The following ANXA11 variants were observed in gnomAD, a reference collection of about 807,000 sequenced individuals.
The protein encoded by ANXA11 is annexin A11.
A neutral mutation model predicts 64.7 loss-of-function variants in ANXA11; 57 were observed. The observed-to-expected ratio is 0.88, with a 90% CI of 0.71 to 1.10. The LOEUF is 1.10. ANXA11 is among the 50% of genes least tolerant of loss of function. The probability of loss-of-function intolerance (pLI) is 0.00; values close to 1 mark genes in which losing one functional copy is unlikely to be tolerated. For missense variants in ANXA11, 675 were observed against 670.7 expected, an observed-to-expected ratio of 1.01 and a Z score of -0.07; for synonymous variants, 260 against 265.2, an observed-to-expected ratio of 0.98 and a Z score of 0.19.
intron 1 of ANXA11, among the ~76,000 whole-genome samples, chr10:80,202,047 C>T (rs1840448470): frequency 6.6e-6 from 1 of 152,234 alleles, no homozygotes; most frequent in African/African-American, 2.4e-5. Flanking sequence ...GCACACTCCA[C>T]CCTCTGCTTC....
At chr10:80,187,544 T>TGC (rs1229515055) in intron 1 of ANXA11, among the ~76,000 whole-genome samples, 3 of 142,734 alleles carry the variant, frequency 2.1e-5, no homozygotes, top group East Asian at 2.0e-4. Context: ...TGTGCGCGCG[T>TGC]GCACACACAC....
intron 1 of ANXA11, among the ~76,000 whole-genome samples, chr10:80,186,476 A>G (rs1846544143): frequency 6.6e-6 from 1 of 152,112 alleles, no homozygotes; most frequent in South Asian, 2.1e-4. Context: ...GCCTGGGTGT[A>G]TGGGGGCCTG....
chr10:80,187,865 A>G (rs1444673729), intron 1 of ANXA11, among the ~76,000 whole-genome samples: 2 of 152,138 alleles, frequency 1.3e-5, no homozygotes, highest in African/African-American at 4.8e-5. Flanking sequence ...CAGTTACTGC[A>G]AAGTCCAACC....
chr10:80,173,898 A>C (rs535510252), intron 2 of ANXA11, among the ~76,000 whole-genome samples: 1 of 152,292 alleles, frequency 6.6e-6, no homozygotes, highest in Admixed American at 6.5e-5. Context: ...CACCACCAAG[A>C]GTTTCTGAGA....
At chr10:80,180,085 G>A (rs2132448902) in intron 1 of ANXA11, among the ~76,000 whole-genome samples, 1 of 152,342 alleles carries the variant, frequency 6.6e-6, no homozygotes, top group Non-Finnish European at 1.5e-5. Context: ...CATGTTACGT[G>A]TACGTAAGTG....
intron 2 of ANXA11, 120 bp from the exon 3 acceptor site, chr10:80,172,989 G>A: frequency 2.5e-6 from 2 of 812,668 alleles, no homozygotes; most frequent in East Asian, 5.0e-5. Flanking sequence ...AGAAACTGCT[G>A]CATCTGCCCT....
Position 80,155,556 on chromosome 10 carries a change from G to A in ANXA11, c.*297C>T. 2 of 417,946 alleles carry A rather than the reference G, an allele frequency of 4.8e-6. No individual in the cohort carries two copies. Among genetic ancestry groups the A allele is most frequent in the Non-Finnish European group, 8.5e-6 (2 of 235,166 alleles). The allele number at this position is 417,946 out of a possible 1,614,324, so 25.9% of individuals were successfully genotyped here. A position where few individuals can be genotyped will look rare whatever the true frequency, so the allele number is the denominator to read the frequency against. On this transcript the variant is annotated 3_prime_UTR_variant, in exon 16 of 16. Coordinates refer to ENST00000422982, the MANE Select transcript of ANXA11 (RefSeq NM_145868.2). ...ATATACAATTACATGACGAAATGAA[G>A]CCAAGTCTTAGCCACAGGCAAAGGG... is the stretch of plus-strand genomic sequence containing the variant.
chr10:80,174,266 G>A (rs575077754), intron 2 of ANXA11, among the ~76,000 whole-genome samples: 2 of 151,854 alleles, frequency 1.3e-5, no homozygotes, highest in Admixed American at 6.6e-5. Context: ...TTCTTTTTAA[G>A]TTTTTTTATT....
At chr10:80,165,073 C>T (rs1224605515) in intron 8 of ANXA11, among the ~76,000 whole-genome samples, 6 of 152,222 alleles carry the variant, frequency 3.9e-5, no homozygotes, top group Admixed American at 6.5e-5. Flanking sequence ...GCTCATGACT[C>T]CGGCTGAAGA....
rs115506984 is a variant in ANXA11, at chr10:80,174,939, G to A, written c.-9+1168C>T. ...GGGTGGGCCTGGTTTTCAGCCCTAC[G>A]GGTGTAGTCATTTGTTTGGGTCAGT... On this transcript the variant is annotated intron_variant, in intron 2 of 15. Coordinates refer to ENST00000422982, the MANE Select transcript of ANXA11 (RefSeq NM_145868.2). 8.8e-3 allele frequency among the ~76,000 whole-genome samples: 1,345 copies of A among 152,314 alleles called. 21 individuals carry two copies. The highest frequency in any genetic ancestry group is 0.031 in the African/African-American group (1,278 of 41,554).
chr10:80,182,243 T>A (rs1393587868), intron 1 of ANXA11, among the ~76,000 whole-genome samples: 1 of 152,038 alleles, frequency 6.6e-6, no homozygotes, highest in Non-Finnish European at 1.5e-5. Flanking sequence ...ACAGGGAAAC[T>A]CTGTGGTTTC....
chr10:80,154,749 G>C lies in ANXA11; in HGVS notation c.*1104C>G, dbSNP rs533954820. 9.2e-5 allele frequency: 14 copies of C among 152,398 alleles called. No homozygotes were observed. The highest frequency in any genetic ancestry group is 3.4e-3 in the Middle Eastern group (1 of 294). 9.4% of individuals were successfully genotyped at this position (152,398 alleles called of 1,614,324 possible). A position where few individuals can be genotyped will look rare whatever the true frequency, so the allele number is the denominator to read the frequency against. On this transcript the variant is annotated 3_prime_UTR_variant, in exon 16 of 16. Coordinates refer to ENST00000422982, the MANE Select transcript of ANXA11 (RefSeq NM_145868.2). ...TGGAGGCACCCTGAGGGGAGGCACT[G>C]GTCTTGTGACTCTCTGGGTTGTCCC... is the stretch of plus-strand genomic sequence containing the variant.
At chr10:80,166,724 C>T in intron 7 of ANXA11, 166 bp downstream of exon 7, 2 of 624,834 alleles carry the variant, frequency 3.2e-6, no homozygotes, top group East Asian at 2.8e-5. Context: ...TGGCATCCTT[C>T]ACCTCCCAAC....
chr10:80,198,093 CCAGCTTGTG>C (rs1840254711), intron 1 of ANXA11, among the ~76,000 whole-genome samples: 2 of 152,176 alleles, frequency 1.3e-5, no homozygotes. Context: ...CAGCAGCTTG[CCAGCTTGTG>C]CACCAGCCCA....
chr10:80,166,889 C>T lies in ANXA11; in HGVS notation c.744+1G>A, dbSNP rs1589424583. 2.5e-6 allele frequency: 4 copies of T among 1,603,048 alleles called. No homozygotes were observed. The highest frequency in any genetic ancestry group is 4.5e-5 in the East Asian group (2 of 44,204). ...TCCCGCGCCCCCACCCCGCAGCTCGCCTTGCCGTAAGCCGTCTTGAAGGAA... is the reference window on the plus strand; with the variant it reads ...TCCCGCGCCCCCACCCCGCAGCTCGTCTTGCCGTAAGCCGTCTTGAAGGAA... On this transcript the variant is annotated splice_donor_variant, in intron 7 of 15. Coordinates refer to ENST00000422982, the MANE Select transcript of ANXA11 (RefSeq NM_145868.2). LOFTEE classifies it high-confidence loss of function.
At chr10:80,196,177 G>A (rs1263339046) in intron 1 of ANXA11, among the ~76,000 whole-genome samples, 1 of 152,160 alleles carries the variant, frequency 6.6e-6, no homozygotes, top group Non-Finnish European at 1.5e-5. Flanking sequence ...TGCTCCTATT[G>A]GATAGGTATT....
intron 15 of ANXA11, chr10:80,157,226 C>T (rs977440333): frequency 6.1e-6 from 6 of 985,332 alleles, no homozygotes; most frequent in Admixed American, 6.1e-5. Context: ...CCAGGGCCCT[C>T]GCTCTGAACG....
At position 80,205,508 on chromosome 10, in the gene ANXA11, A is replaced by ACTCGGG. The variant is rs1840638851; in HGVS notation, c.-224_-223insCCCGAG. On this transcript the variant is annotated 5_prime_UTR_variant, in exon 1 of 16. Coordinates refer to ENST00000422982, the MANE Select transcript of ANXA11 (RefSeq NM_145868.2). Reference sequence around the variant, plus strand: ...CGGGGCACTGGGGAGCCGCGGGCGCAGCAGCCGTCAGCGCCGGGCGGAAAA... The same window carrying ACTCGGG: ...CGGGGCACTGGGGAGCCGCGGGCGCACTCGGGGCAGCCGTCAGCGCCGGGCGGAAAA... 1 of 151,908 alleles carries ACTCGGG rather than the reference A, an allele frequency of 6.6e-6. No individual in the cohort carries two copies. The highest frequency in any genetic ancestry group is 2.4e-5 in the African/African-American group (1 of 41,358). 9.4% of individuals were successfully genotyped at this position (151,908 alleles called of 1,614,324 possible).
chr10:80,179,409 CTT>C (rs1846279565), intron 1 of ANXA11, among the ~76,000 whole-genome samples: 1 of 152,232 alleles, frequency 6.6e-6, no homozygotes, highest in South Asian at 2.1e-4. Context: ...AATTAAACCT[CTT>C]TTCTTTATAA....
Sources: allele counts gnomAD v4.1 joint callset (sites outside exome capture counted in the v4.1 genomes callset), GRCh38; gene constraint gnomAD v4.1.1; transcripts MANE v1.5; gene names NCBI Gene and HGNC (gene_info 2026-07-23, HGNC 2026-07-21).